The following ZMAT4 variants were observed in gnomAD, a reference collection of about 807,000 sequenced individuals.
The protein encoded by ZMAT4 is zinc finger matrin-type 4.
Under a neutral mutation model 28.7 loss-of-function variants are expected in ZMAT4, and 17 were observed. That is an observed-to-expected ratio of 0.59 (90% CI 0.41 to 0.89). The LOEUF is 0.89. Ranked by LOEUF, ZMAT4 falls within the 40% of genes least tolerant of loss-of-function variation. The probability of loss-of-function intolerance (pLI) is 0.00; values close to 1 mark genes in which losing one functional copy is unlikely to be tolerated. For missense variants in ZMAT4, 240 were observed against 283.8 expected (o/e 0.85, Z 1.11); for synonymous variants, 117 against 109.2 (o/e 1.07, Z -0.44).
At chr8:40,753,420 C>G (rs1049758116) in intron 3 of ZMAT4, among the ~76,000 whole-genome samples, 1 of 152,186 alleles carries the variant, frequency 6.6e-6, no homozygotes, top group African/African-American at 2.4e-5. Flanking sequence ...TCAAGCATCA[C>G]GTATTCAGGA....
At chr8:40,550,576 T>C (rs1355376305) in intron 6 of ZMAT4, among the ~76,000 whole-genome samples, 1 of 152,048 alleles carries the variant, frequency 6.6e-6, no homozygotes, top group Non-Finnish European at 1.5e-5. Flanking sequence ...CAGCTGAAGG[T>C]AATTGGATCA....
At chr8:40,874,472 A>T (rs1177460401) in intron 1 of ZMAT4, among the ~76,000 whole-genome samples, 1 of 152,124 alleles carries the variant, frequency 6.6e-6, no homozygotes, top group Non-Finnish European at 1.5e-5. Flanking sequence ...ACCCTTTCCT[A>T]CTTCCCCAAT....
chr8:40,765,572 A>T (rs1399623327), intron 3 of ZMAT4, among the ~76,000 whole-genome samples: 1 of 152,216 alleles, frequency 6.6e-6, no homozygotes, highest in Non-Finnish European at 1.5e-5. Context: ...CAGAGAAAAA[A>T]GGTTTCCACG....
At position 40,725,293 on chromosome 8, in the gene ZMAT4, C is replaced by T. The variant is rs918406365; in HGVS notation, c.193-27892G>A. Among the ~76,000 whole-genome samples the T allele has an allele frequency of 2.0e-5, 3 of 152,142 alleles. No individual in the cohort carries two copies. In the South Asian group the frequency reaches 6.2e-4, roughly 32 times the overall value. ...GAAAGAGTTAGAGGGATTCAGGTCT[C>T]CTCCATTCCCCAAAAGGCAGAAAGG... On this transcript the variant is annotated intron_variant, in intron 3 of 6. Coordinates refer to ENST00000297737, the MANE Select transcript of ZMAT4 (RefSeq NM_024645.3).
At chr8:40,735,825 C>A (rs1811739057) in intron 3 of ZMAT4, among the ~76,000 whole-genome samples, 1 of 152,174 alleles carries the variant, frequency 6.6e-6, no homozygotes. Flanking sequence ...AGTCCCAGAA[C>A]AGCATGTCTG....
At chr8:40,847,316 C>T (rs756697003) in intron 1 of ZMAT4, among the ~76,000 whole-genome samples, 7 of 152,122 alleles carry the variant, frequency 4.6e-5, no homozygotes, top group Admixed American at 3.9e-4. Context: ...TCATATTTGC[C>T]GTTGATTACA....
intron 2 of ZMAT4, among the ~76,000 whole-genome samples, chr8:40,786,376 C>G (rs1018087133): frequency 6.6e-6 from 1 of 152,170 alleles, no homozygotes; most frequent in Admixed American, 6.5e-5. Context: ...ACAAGTTATG[C>G]TATATTTCAG....
chr8:40,588,621 C>T (rs1244377577), intron 5 of ZMAT4, among the ~76,000 whole-genome samples: 1 of 152,004 alleles, frequency 6.6e-6, no homozygotes, highest in Non-Finnish European at 1.5e-5. Context: ...TAAAACAATA[C>T]CAGATGTAAA....
rs572846216 is a variant in ZMAT4, at chr8:40,608,487, A to G, written c.578-27226T>C. Among the ~76,000 whole-genome samples the G allele has an allele frequency of 1.4e-4, 21 of 152,282 alleles. No homozygotes were observed. The Middle Eastern group carries it at 0.014, about 99-fold the overall frequency. ...GTGAGCAGGGCTGAGAATAAGTCCC[A>G]TGCTACAAGCCTCCCTGCTGAGAAA... is the stretch of plus-strand genomic sequence containing the variant. On this transcript the variant is annotated intron_variant, in intron 5 of 6. Transcript: ENST00000297737.
At chr8:40,802,695 G>T (rs1814904011) in intron 2 of ZMAT4, among the ~76,000 whole-genome samples, 1 of 152,032 alleles carries the variant, frequency 6.6e-6, no homozygotes, top group African/African-American at 2.4e-5. Flanking sequence ...GTTATTTTGT[G>T]GATAACTTTG....
At chr8:40,582,775 A>G (rs1247653259) in intron 5 of ZMAT4, among the ~76,000 whole-genome samples, 1 of 152,218 alleles carries the variant, frequency 6.6e-6, no homozygotes, top group African/African-American at 2.4e-5. Flanking sequence ...GAGATCTGGC[A>G]TGTATGTGAG....
At chr8:40,849,635 C>A (rs1817030764) in intron 1 of ZMAT4, among the ~76,000 whole-genome samples, 2 of 152,148 alleles carry the variant, frequency 1.3e-5, no homozygotes, top group Admixed American at 1.3e-4. Flanking sequence ...AGACAACTTA[C>A]CCAGATGGCA....
At chr8:40,826,164 T>C (rs1816031248) in intron 1 of ZMAT4, among the ~76,000 whole-genome samples, 1 of 152,234 alleles carries the variant, frequency 6.6e-6, no homozygotes, top group Admixed American at 6.5e-5. Flanking sequence ...TATATGTTAA[T>C]TAAATGTTGT....
intron 1 of ZMAT4, among the ~76,000 whole-genome samples, chr8:40,827,818 G>A (rs553001973): frequency 1.3e-5 from 2 of 152,320 alleles, no homozygotes; most frequent in East Asian, 3.9e-4. Flanking sequence ...ACCTGTTCCA[G>A]AGAGGGCAGA....
chr8:40,877,310 G>A (rs1194303497), intron 1 of ZMAT4, among the ~76,000 whole-genome samples: 1 of 152,140 alleles, frequency 6.6e-6, no homozygotes, highest in East Asian at 1.9e-4. Context: ...AAACACCCTG[G>A]TATGCGGTAC....
rs1803832852 is a variant in ZMAT4 at position 40,563,952 on chromosome 8, G to A, written c.674+17213C>T. On this transcript the variant is annotated intron_variant, in intron 6 of 6. Transcript: ENST00000297737. ...GGTCTCCTACAGGGGAAACCAATGA[G>A]TTTCCACCCAGTGGCTGAGGAAAGG... Among the ~76,000 whole-genome samples, 4 of 152,170 alleles carry A rather than the reference G, an allele frequency of 2.6e-5. No individual in the cohort carries two copies. The South Asian group carries it at 8.3e-4, about 32-fold the overall frequency.
intron 2 of ZMAT4, among the ~76,000 whole-genome samples, chr8:40,791,063 A>G (rs927365309): frequency 6.6e-6 from 1 of 152,260 alleles, no homozygotes; most frequent in Admixed American, 6.5e-5. Context: ...AAGATGCTGA[A>G]GCAACTGGAT....
At chr8:40,846,022 G>C (rs879603408) in intron 1 of ZMAT4, among the ~76,000 whole-genome samples, 2 of 152,090 alleles carry the variant, frequency 1.3e-5, no homozygotes, top group Admixed American at 6.6e-5. Flanking sequence ...ACTCCAGAGA[G>C]AGCATCTCTA....
intron 1 of ZMAT4, among the ~76,000 whole-genome samples, chr8:40,862,992 A>C (rs1817559607): frequency 6.6e-6 from 1 of 152,158 alleles, no homozygotes; most frequent in South Asian, 2.1e-4. Context: ...GAAAGAAAGA[A>C]AGAAAGAACA....
Sources: allele counts gnomAD v4.1 joint callset (sites outside exome capture counted in the v4.1 genomes callset), GRCh38; gene constraint gnomAD v4.1.1; transcripts MANE v1.5; gene names NCBI Gene and HGNC (gene_info 2026-07-23, HGNC 2026-07-21).